The following PCCB variants were observed in gnomAD, a reference collection of about 807,000 sequenced individuals.
The protein encoded by PCCB is propionyl-CoA carboxylase subunit beta.
Under a neutral mutation model 60.7 loss-of-function variants are expected in PCCB, and 43 were observed. That is an observed-to-expected ratio of 0.71 (90% CI 0.55 to 0.91). PCCB has a LOEUF of 0.91. PCCB is among the 40% of genes least tolerant of loss of function. PCCB has a pLI of 0.00. For synonymous variants in PCCB, 276 were observed against 255.9 expected, an observed-to-expected ratio of 1.08 and a Z score of -0.75; for missense variants, 766 against 702.8, an observed-to-expected ratio of 1.09 and a Z score of -1.02.
chr3:136,260,338 A>G (rs1941787416), intron 3 of PCCB, 141 bp from the exon 4 acceptor site: 1 of 737,488 alleles, frequency 1.4e-6, no homozygotes, highest in Non-Finnish European at 2.4e-6. Context: ...TTGGCCTCCC[A>G]AAGTGTTGGG....
intron 8 of PCCB, among the ~76,000 whole-genome samples, chr3:136,299,111 T>C (rs112954243): frequency 4.7e-4 from 72 of 152,090 alleles, no homozygotes; most frequent in Admixed American, 4.6e-4. Context: ...GAAGGTATTA[T>C]GGCCCAGGAG....
At chr3:136,328,380 T>C (rs1329261477) in intron 13 of PCCB, among the ~76,000 whole-genome samples, 1 of 152,178 alleles carries the variant, frequency 6.6e-6, no homozygotes, top group East Asian at 1.9e-4. Flanking sequence ...AAAAGGGAAA[T>C]AGCACATTTA....
chr3:136,324,181 A>T (rs911226190), intron 10 of PCCB, among the ~76,000 whole-genome samples: 2 of 151,968 alleles, frequency 1.3e-5, no homozygotes, highest in African/African-American at 4.8e-5. Context: ...CCTGTCCTTA[A>T]GAGATTCTCC....
chr3:136,300,612 A>C (rs1321691725), intron 8 of PCCB, among the ~76,000 whole-genome samples: 1 of 152,230 alleles, frequency 6.6e-6, no homozygotes, highest in Non-Finnish European at 1.5e-5. Flanking sequence ...ACAGTGGTTT[A>C]TGCAGAGCTC....
At chr3:136,254,044 TTTTG>T (rs1433039064) in intron 1 of PCCB, among the ~76,000 whole-genome samples, 5 of 151,958 alleles carry the variant, frequency 3.3e-5, no homozygotes, top group Non-Finnish European at 5.9e-5. Context: ...ATTGCCTGAT[TTTTG>T]TTTGTTATTT....
At chr3:136,275,802 G>A (rs1014846256) in intron 5 of PCCB, among the ~76,000 whole-genome samples, 4 of 151,960 alleles carry the variant, frequency 2.6e-5, no homozygotes, top group Non-Finnish European at 4.4e-5. Flanking sequence ...ATGGCGTCTC[G>A]CTCTGTCACT....
In PCCB at chr3:136,293,617, G is replaced by A. The variant is rs550600027; in HGVS notation, c.655-139G>A. On this transcript the variant is annotated intron_variant, in intron 6 of 14. Coordinates refer to ENST00000251654, the MANE Select transcript of PCCB (RefSeq NM_000532.5). ...AAACTTGGGTCTTTAGTTTGGAGTC[G>A]TATCTTTAAGCTACATCCTATCCTC... 52 of 732,254 alleles carry A rather than the reference G, an allele frequency of 7.1e-5. 1 individual carries two copies. The highest frequency in any genetic ancestry group is 4.3e-4 in the South Asian group (30 of 68,998). 45.4% of individuals were successfully genotyped at this position (732,254 alleles called of 1,614,324 possible).
chr3:136,261,463 A>G (rs759638256), intron 4 of PCCB, among the ~76,000 whole-genome samples: 4 of 152,178 alleles, frequency 2.6e-5, no homozygotes, highest in Non-Finnish European at 5.9e-5. Context: ...CTGTAGGAAT[A>G]TTGCTTATTA....
intron 5 of PCCB, among the ~76,000 whole-genome samples, chr3:136,277,736 G>A (rs892415310): frequency 2.1e-4 from 32 of 152,164 alleles, no homozygotes; most frequent in Admixed American, 2.1e-3. Flanking sequence ...GATCCCACAC[G>A]GTCGGAAAGG....
intron 6 of PCCB, among the ~76,000 whole-genome samples, chr3:136,291,246 TACAG>T (rs1360596858): frequency 5.9e-5 from 9 of 152,266 alleles, no homozygotes; most frequent in Admixed American, 5.9e-4. Flanking sequence ...TACCCAAGAC[TACAG>T]ACACATGCCA....
At chr3:136,270,164 A>G (rs542903557) in intron 5 of PCCB, among the ~76,000 whole-genome samples, 1 of 152,242 alleles carries the variant, frequency 6.6e-6, no homozygotes, top group East Asian at 1.9e-4. Flanking sequence ...ATGGTATGTA[A>G]CATTACTGGT....
At chr3:136,300,575 G>C (rs1934228515) in intron 8 of PCCB, among the ~76,000 whole-genome samples, 1 of 152,214 alleles carries the variant, frequency 6.6e-6, no homozygotes, top group African/African-American at 2.4e-5. Flanking sequence ...AGCTTTAGCA[G>C]ATTAACCTAA....
Position 136,327,647 on chromosome 3 carries a change from C to G in PCCB, c.1313C>G (p.Ala438Gly). 1.2e-6 allele frequency: 2 copies of G among 1,613,350 alleles called. No homozygotes were observed. The highest frequency in any genetic ancestry group is 1.7e-5 in the Admixed American group (1 of 60,016). ...GATCTGTTTTAGGCCTATGGAGGTGCCTATGATGTCATGAGCTCTAAGCAC... is the reference window on the plus strand; with the variant it reads ...GATCTGTTTTAGGCCTATGGAGGTGGCTATGATGTCATGAGCTCTAAGCAC... ...TVITRKAYGG[A>G]YDVMSSKHLC... The change falls in exon 13 of 15, where the codon GCC becomes GGC. Residue 438 changes from alanine to glycine, a missense_variant. Coordinates refer to ENST00000251654, the MANE Select transcript of PCCB (RefSeq NM_000532.5).
intron 1 of PCCB, among the ~76,000 whole-genome samples, chr3:136,251,863 C>A (rs1173856317): frequency 1.3e-5 from 2 of 152,128 alleles, no homozygotes; most frequent in Admixed American, 1.3e-4. Flanking sequence ...AATATGAACC[C>A]CCTCCTGCAC....
chr3:136,298,053 C>T lies in PCCB; in HGVS notation c.865C>T (p.Arg289Cys), dbSNP rs771935604. The change falls in exon 8 of 15, where the codon CGT becomes TGT. Residue 289 changes from arginine (R) to cysteine (C), a missense_variant. By Grantham distance (180) the Arg-to-Cys change is radical. Transcript: ENST00000251654. ...GAGCAGTCAGGACCCGGCTCCCGTC[C>T]GTGAGTGCCACGATCCCAGGTGGGT... is the stretch of plus-strand genomic sequence containing the variant. ...PLSSQDPAPV[R>C]ECHDPSDRLV... 1.2e-5 allele frequency: 19 copies of T among 1,613,998 alleles called. No individual in the cohort carries two copies. The highest frequency in any genetic ancestry group is 8.3e-5 in the Admixed American group (5 of 60,004).
At position 136,250,457 on chromosome 3, in the gene PCCB, C is replaced by T. The variant is rs141137691; in HGVS notation, c.82C>T (p.Leu28Phe). ...CGGTCTCCGCGCCGCGGTCCGCAGCCTTTGCAGCCAGGCCACCTCTGTTAA... is the reference window on the plus strand; with the variant it reads ...CGGTCTCCGCGCCGCGGTCCGCAGCTTTTGCAGCCAGGCCACCTCTGTTAA... ...ASGLRAAVRS[L>F]CSQATSVNER... Residue 28 changes from leucine to phenylalanine, a missense_variant, in exon 1 of 15, where the codon CTT becomes TTT. Transcript: ENST00000251654. 2 of 1,609,040 alleles carry T rather than the reference C, an allele frequency of 1.2e-6. No individual in the cohort carries two copies. The highest frequency in any genetic ancestry group is 1.7e-6 in the Non-Finnish European group (2 of 1,177,964).
At chr3:136,282,921 C>A (rs918480115) in intron 5 of PCCB, among the ~76,000 whole-genome samples, 1 of 152,154 alleles carries the variant, frequency 6.6e-6, no homozygotes, top group Non-Finnish European at 1.5e-5. Context: ...ACATTTGGCT[C>A]ATTTTTAGAA....
intron 9 of PCCB, among the ~76,000 whole-genome samples, chr3:136,313,219 G>A (rs1934738469): frequency 6.6e-6 from 1 of 152,146 alleles, no homozygotes; most frequent in Non-Finnish European, 1.5e-5. Flanking sequence ...AATTTACCCT[G>A]AAGATACACT....
At chr3:136,295,114 C>A (rs1389412090) in intron 7 of PCCB, among the ~76,000 whole-genome samples, 2 of 152,152 alleles carry the variant, frequency 1.3e-5, no homozygotes, top group African/African-American at 4.8e-5. Flanking sequence ...TAAAAGAAAC[C>A]ACCCAGCTGT....
Sources: allele counts gnomAD v4.1 joint callset (sites outside exome capture counted in the v4.1 genomes callset), GRCh38; gene constraint gnomAD v4.1.1; transcripts MANE v1.5; gene names NCBI Gene and HGNC (gene_info 2026-07-23, HGNC 2026-07-21).